The following CHD2 variants were observed in gnomAD, a reference collection of about 807,000 sequenced individuals.
CHD2 encodes the protein chromodomain helicase DNA binding protein 2, also known as ATP-dependent chromatin remodeler CHD2.
A neutral mutation model predicts 243.9 loss-of-function variants in CHD2; 28 were observed. The ratio of observed to expected loss-of-function variants is 0.11; its 90% confidence interval spans 0.09 to 0.16. CHD2 has a LOEUF of 0.16. CHD2 is among the 10% of genes least tolerant of loss of function. The pLI is 1.00. For synonymous variants in CHD2, 775 were observed against 779.0 expected (o/e 0.99, Z 0.09); for missense variants, 1,386 against 2,209.8 (o/e 0.63, Z 7.47).
chr15:92,907,423 G>T (rs1227753184), intron 2 of CHD2, among the ~76,000 whole-genome samples: 1 of 152,140 alleles, frequency 6.6e-6, no homozygotes, highest in Non-Finnish European at 1.5e-5. Context: ...TTGAAGGAGA[G>T]AATGTTTCAG....
intron 14 of CHD2, chr15:92,954,417 A>G (rs1312610718): frequency 6.6e-6 from 1 of 152,252 alleles, no homozygotes; most frequent in Non-Finnish European, 1.5e-5. Context: ...AATAAGAGCA[A>G]GCCATTAGCA....
At chr15:92,996,285 G>C (rs2054186897) in intron 28 of CHD2, among the ~76,000 whole-genome samples, 1 of 150,280 alleles carries the variant, frequency 6.7e-6, no homozygotes, top group South Asian at 2.1e-4. Context: ...TCAGCCTCAC[G>C]AGTGGCTGGG....
chr15:92,937,650 A>G (rs1271083580), intron 6 of CHD2, 25 bp downstream of exon 6: 1 of 1,529,566 alleles, frequency 6.5e-7, no homozygotes, highest in Non-Finnish European at 9.0e-7. Flanking sequence ...TAAGATCTCT[A>G]CTTGGGATGA....
chr15:92,916,557 CTTT>C (rs898433450), intron 2 of CHD2, among the ~76,000 whole-genome samples: 53 of 152,242 alleles, frequency 3.5e-4, no homozygotes, highest in African/African-American at 1.2e-3. Context: ...GATTCATACA[CTTT>C]TTTATTTTTT....
In CHD2 at chr15:92,924,033, AG is replaced by A. The variant is rs2053011262; in HGVS notation, c.63-284del. On this transcript the variant is annotated intron_variant, in intron 2 of 38. Transcript: ENST00000394196. ...CCTCAGTTCAGCCTCATTTGAATGA[AG>A]GGGACAGTAATATCCATGTTCAGAG... 2.0e-5 allele frequency among the ~76,000 whole-genome samples: 3 copies of A among 152,314 alleles called. No homozygotes were observed. The South Asian group carries it at 6.2e-4, about 32-fold the overall frequency.
At chr15:92,944,586 T>A in intron 10 of CHD2, 71 bp downstream of exon 10, 1 of 755,472 alleles carries the variant, frequency 1.3e-6, no homozygotes, top group Non-Finnish European at 2.1e-6. Context: ...TTGGAAGTAA[T>A]GTAAATTTTA....
intron 37 of CHD2, among the ~76,000 whole-genome samples, chr15:93,017,350 C>A (rs1310208846): frequency 6.6e-6 from 1 of 151,040 alleles, no homozygotes; most frequent in Non-Finnish European, 1.5e-5. Context: ...GGAGATGGAG[C>A]CTCGCTCTGT....
intron 37 of CHD2, 29 bp from the exon 38 acceptor site, chr15:93,019,983 T>TC: frequency 6.3e-7 from 1 of 1,583,132 alleles, no homozygotes; most frequent in African/African-American, 1.4e-5. Flanking sequence ...TTTCTTGCAG[T>TC]CATCAGATCA....
At chr15:92,912,628 G>C (rs1484395551) in intron 2 of CHD2, among the ~76,000 whole-genome samples, 1 of 152,226 alleles carries the variant, frequency 6.6e-6, no homozygotes, top group East Asian at 1.9e-4. Flanking sequence ...CCACCTCCTG[G>C]GTTCAAGTGA....
At position 92,992,934 on chromosome 15, in the gene CHD2, C is replaced by A; in HGVS notation, c.3531C>A (p.Ile1177=). ...ATCTGAAGCGCCTGGGTGAACTGAT[C>A]CACAACAGCTGTGTGTCAGCAATGC... is the stretch of plus-strand genomic sequence containing the variant. ...VADLKRLGEL[I]HNSCVSAMQE... Residue 1177 remains isoleucine, a synonymous_variant, in exon 28 of 39, where the codon ATC becomes ATA. Transcript: ENST00000394196. 1 of 1,614,094 alleles carries A rather than the reference C, an allele frequency of 6.2e-7. No homozygotes were observed. Among genetic ancestry groups the A allele is most frequent in the Non-Finnish European group, 8.5e-7 (1 of 1,180,024 alleles).
intron 26 of CHD2, among the ~76,000 whole-genome samples, chr15:92,986,307 T>G (rs1050663447): frequency 8.5e-5 from 13 of 152,280 alleles, no homozygotes; most frequent in African/African-American, 2.4e-4. Flanking sequence ...TTCCATCTTT[T>G]TTTTTTAAGC....
At chr15:92,971,963 ACG>A in intron 18 of CHD2, 36 bp downstream of exon 18, 1 of 1,583,848 alleles carries the variant, frequency 6.3e-7, no homozygotes, top group Non-Finnish European at 8.6e-7. Flanking sequence ...CTCAAAAAAA[ACG>A]CTTAGTTTCT....
In CHD2 at chr15:93,018,370, T is replaced by G. The variant is rs146316269; in HGVS notation, c.4907-1642T>G. Among the ~76,000 whole-genome samples the G allele has an allele frequency of 6.1e-3, 935 of 152,330 alleles. 2 individuals carry two copies. Among genetic ancestry groups the G allele is most frequent in the South Asian group, 0.021 (101 of 4,830 alleles). ...ATCAGTTTCTGAGCTCAGCACTTCC[T>G]TAATGGTGTTGTTCTTCAGCTCTGT... On this transcript the variant is annotated intron_variant, in intron 37 of 38. Coordinates refer to ENST00000394196, the MANE Select transcript of CHD2 (RefSeq NM_001271.4).
chr15:92,955,722 T>C (rs973417546), intron 15 of CHD2, among the ~76,000 whole-genome samples: 1 of 152,216 alleles, frequency 6.6e-6, no homozygotes, highest in Non-Finnish European at 1.5e-5. Context: ...GAAAAATTAC[T>C]TTTCAAAGGA....
Position 92,972,250 on chromosome 15 carries a change from CTT to C in CHD2, c.2353-12_2353-11del. The C allele has an allele frequency of 6.2e-7, 1 of 1,601,364 alleles. No homozygotes were observed. Among genetic ancestry groups the C allele is most frequent in the Non-Finnish European group, 8.5e-7 (1 of 1,175,448 alleles). ...TGTTTCAACATAATTATTGGAATGT[CTT>C]TTAAATCTTCAGTCCCTCATAAGGA... is the stretch of plus-strand genomic sequence containing the variant. On this transcript the variant is annotated splice_polypyrimidine_tract_variant and intron_variant, in intron 18 of 38. Transcript: ENST00000394196.
intron 16 of CHD2, chr15:92,965,319 G>A (rs2053743142): frequency 6.6e-6 from 1 of 152,058 alleles, no homozygotes; most frequent in Admixed American, 6.5e-5. Context: ...CACTTTGGGA[G>A]GCTGAGGTGG....
intron 16 of CHD2, 86 bp downstream of exon 16, chr15:92,956,735 A>G (rs1427389390): frequency 4.7e-6 from 6 of 1,264,348 alleles, no homozygotes; most frequent in Non-Finnish European, 6.5e-6. Context: ...CCTTAGGGAA[A>G]ACAGATGGCA....
intron 33 of CHD2, among the ~76,000 whole-genome samples, chr15:93,004,071 C>T (rs2054290190): frequency 6.7e-6 from 1 of 150,126 alleles, no homozygotes; most frequent in East Asian, 1.9e-4. Context: ...TTGCAGTGAG[C>T]CGAGATCATG....
intron 24 of CHD2, 48 bp from the exon 25 acceptor site, chr15:92,984,282 G>A (rs758196912): frequency 1.4e-6 from 2 of 1,410,040 alleles, no homozygotes; most frequent in East Asian, 2.4e-5. Context: ...TTTAGTAGAT[G>A]GTGTTTAGAA....
Sources: gnomAD v4.1 joint callset for allele counts (sites outside exome capture counted in the v4.1 genomes callset) on GRCh38, gnomAD v4.1.1 for gene constraint, MANE v1.5 for transcripts, NCBI Gene and HGNC (gene_info 2026-07-23, HGNC 2026-07-21) for gene names.